The following P3H2 variants were observed in gnomAD, a reference collection of about 807,000 sequenced individuals.
P3H2 encodes leprecan-like 1.
In P3H2, 80 loss-of-function variants were observed where a neutral mutation model predicts 87.0. The observed-to-expected ratio is 0.92, with a 90% CI of 0.77 to 1.11. The LOEUF (loss-of-function observed/expected upper bound fraction) is 1.11, where lower values mean the gene tolerates loss of function less well. Ranked by LOEUF, P3H2 falls within the 50% of genes least tolerant of loss-of-function variation. The pLI is 0.00. For synonymous variants in P3H2, 367 were observed against 359.3 expected (o/e 1.02, Z -0.24); for missense variants, 1,001 against 923.9 (o/e 1.08, Z -1.08).
chr3:189,993,048 C>A (rs113439358), intron 3 of P3H2, among the ~76,000 whole-genome samples: 3,220 of 152,142 alleles, frequency 0.021, 90 homozygotes, highest in African/African-American at 0.065. Flanking sequence ...TTCTGCTGGG[C>A]GTGCTGGCTC....
chr3:189,973,213 A>G, intron 10 of P3H2, 189 bp from the exon 11 acceptor site: 1 of 590,194 alleles, frequency 1.7e-6, no homozygotes, highest in Non-Finnish European at 3.0e-6. Flanking sequence ...CCAATAACAG[A>G]TGGAAAGCTA....
chr3:189,995,312 T>G lies in P3H2; in HGVS notation c.611A>C (p.Asp204Ala). ...TACCATGTGTGGCTTGGCTTCTCTG[T>G]CTACCAACTGCAATGCTTCAACACC... ...TAGVEALQLV[D>A]REAKPHMESY... The change falls in exon 2 of 15, where the codon GAC (aspartate) becomes GCC (alanine). Residue 204 changes from aspartate (D) to alanine (A), a missense_variant. Physicochemically the swap from Asp to Ala is moderately radical, Grantham distance 126. Transcript: ENST00000319332. 1 of 1,614,150 alleles carries G rather than the reference T, an allele frequency of 6.2e-7. No homozygotes were observed. The highest frequency in any genetic ancestry group is 8.5e-7 in the Non-Finnish European group (1 of 1,180,018).
At chr3:190,099,908 A>G (rs1711556524) in intron 1 of P3H2, among the ~76,000 whole-genome samples, 1 of 152,060 alleles carries the variant, frequency 6.6e-6, no homozygotes, top group Non-Finnish European at 1.5e-5. Context: ...TGAAAACTAA[A>G]ATATTTCTTC....
chr3:190,090,506 A>G (rs1034384189), intron 1 of P3H2, among the ~76,000 whole-genome samples: 1 of 152,186 alleles, frequency 6.6e-6, no homozygotes, highest in Non-Finnish European at 1.5e-5. Context: ...GATCGAGATC[A>G]TCCTGGCTAA....
At chr3:190,012,207 GGTGTGTGTGTGTGT>G (rs3062120) in intron 1 of P3H2, among the ~76,000 whole-genome samples, 1 of 145,586 alleles carries the variant, frequency 6.9e-6, no homozygotes, top group Non-Finnish European at 1.5e-5. Context: ...TGTAGGTAAA[GGTGTGTGTGTGTGT>G]GTGTGTGTGT....
chr3:190,095,844 C>T (rs1235060880), intron 1 of P3H2, among the ~76,000 whole-genome samples: 6 of 152,000 alleles, frequency 3.9e-5, no homozygotes, highest in African/African-American at 9.7e-5. Flanking sequence ...CCTCGTGATT[C>T]GCCCACCTCG....
Position 189,984,198 on chromosome 3 carries a change from G to T in P3H2, c.1229+352C>A, listed in dbSNP as rs1403025909. On this transcript the variant is annotated intron_variant, in intron 7 of 14. Transcript: ENST00000319332. The stretch of plus-strand genomic sequence containing the variant: ...ATTATTTTAGGTAAATACAATAAGG[G>T]AATTCACCATCAAAAACCCATTTCA... Among the ~76,000 whole-genome samples, 5 of 151,960 alleles carry T rather than the reference G, an allele frequency of 3.3e-5. No homozygotes were observed. The East Asian group carries it at 9.6e-4, about 29-fold the overall frequency.
chr3:189,988,447 CATAT>C (rs766236620), intron 4 of P3H2, among the ~76,000 whole-genome samples: 1 of 151,002 alleles, frequency 6.6e-6, no homozygotes, highest in African/African-American at 2.5e-5. Context: ...CACACACACA[CATAT>C]ATATATACTC....
chr3:190,082,546 A>G (rs1176968045), intron 1 of P3H2, among the ~76,000 whole-genome samples: 3 of 152,198 alleles, frequency 2.0e-5, no homozygotes, highest in Non-Finnish European at 2.9e-5. Flanking sequence ...TCAAACATTT[A>G]TCTGTTATTT....
chr3:190,039,771 G>A (rs753398782), intron 1 of P3H2, among the ~76,000 whole-genome samples: 5 of 152,160 alleles, frequency 3.3e-5, no homozygotes, highest in African/African-American at 9.7e-5. Flanking sequence ...GAGATTATTC[G>A]GGTTGATTTT....
chr3:190,058,419 G>A (rs576983136), intron 1 of P3H2, among the ~76,000 whole-genome samples: 14 of 152,192 alleles, frequency 9.2e-5, no homozygotes, highest in African/African-American at 2.9e-4. Flanking sequence ...CGAAAACTAC[G>A]GAAGCCATAG....
At chr3:190,049,269 GTTT>G (rs5855299) in intron 1 of P3H2, among the ~76,000 whole-genome samples, 1 of 150,944 alleles carries the variant, frequency 6.6e-6, no homozygotes, top group African/African-American at 2.4e-5. Flanking sequence ...TAGACACATG[GTTT>G]TTTTTTTCAG....
chr3:189,957,438 TA>T lies in P3H2; in HGVS notation c.*473del. 1 of 321,608 alleles carries T rather than the reference TA, an allele frequency of 3.1e-6. No individual in the cohort carries two copies. The highest frequency in any genetic ancestry group is 5.2e-6 in the Non-Finnish European group (1 of 191,248). The allele number at this position is 321,608 out of a possible 1,614,324, so 19.9% of individuals were successfully genotyped here. On this transcript the variant is annotated 3_prime_UTR_variant, in exon 15 of 15. Transcript: ENST00000319332. ...CTAAGCTTTTGAATTTGCAGCAACT[TA>T]ATTGTGTGTGTGTGTGTGTGTGTGT...
rs765078655 is a variant in P3H2 at position 190,120,737 on chromosome 3, G to A, written c.-6C>T. ...GCCCAGATGCGCTCCCGCATCCTCCGCCTCAGAGAGGCGCGGGACGGTTAC... is the reference window on the plus strand; with the variant it reads ...GCCCAGATGCGCTCCCGCATCCTCCACCTCAGAGAGGCGCGGGACGGTTAC... On this transcript the variant is annotated 5_prime_UTR_variant, in exon 1 of 15. Coordinates refer to ENST00000319332, the MANE Select transcript of P3H2 (RefSeq NM_018192.4). The A allele has an allele frequency of 2.2e-5, 33 of 1,518,696 alleles. No individual in the cohort carries two copies. Among genetic ancestry groups the A allele is most frequent in the Middle Eastern group, 2.3e-4 (1 of 4,428 alleles). 94.1% of individuals were successfully genotyped at this position (1,518,696 alleles called of 1,614,324 possible).
chr3:190,100,418 G>A lies in P3H2; in HGVS notation c.480+19834C>T, dbSNP rs182326988. ...ATACTAGGATTTATTAAAATGAGGAGTGAACAACTGCTGAGAGTTTCATAG... is the reference window on the plus strand; with the variant it reads ...ATACTAGGATTTATTAAAATGAGGAATGAACAACTGCTGAGAGTTTCATAG... On this transcript the variant is annotated intron_variant, in intron 1 of 14. Coordinates refer to ENST00000319332, the MANE Select transcript of P3H2 (RefSeq NM_018192.4). 3.4e-3 allele frequency among the ~76,000 whole-genome samples: 521 copies of A among 152,228 alleles called. 1 individual carries two copies. The highest frequency in any genetic ancestry group is 0.012 in the African/African-American group (489 of 41,530).
At chr3:190,009,245 A>G (rs1724490232) in intron 1 of P3H2, among the ~76,000 whole-genome samples, 1 of 152,190 alleles carries the variant, frequency 6.6e-6, no homozygotes, top group Admixed American at 6.5e-5. Context: ...TTAAGCACAT[A>G]TTAGGTTTTA....
At chr3:190,097,592 A>C (rs751129116) in intron 1 of P3H2, among the ~76,000 whole-genome samples, 1 of 151,498 alleles carries the variant, frequency 6.6e-6, no homozygotes, top group Non-Finnish European at 1.5e-5. Context: ...TCATATCTAC[A>C]AAGTCTTACT....
intron 1 of P3H2, among the ~76,000 whole-genome samples, chr3:190,075,295 G>T (rs1267341298): frequency 6.6e-6 from 1 of 152,118 alleles, no homozygotes; most frequent in East Asian, 1.9e-4. Context: ...AGACCAGCCT[G>T]CCCAACATGG....
chr3:190,094,563 T>A (rs775855343), intron 1 of P3H2, among the ~76,000 whole-genome samples: 11 of 152,110 alleles, frequency 7.2e-5, no homozygotes, highest in Non-Finnish European at 1.5e-4. Context: ...CCATAACCAT[T>A]GGGACAATGG....
Sources: allele counts gnomAD v4.1 joint callset (sites outside exome capture counted in the v4.1 genomes callset), GRCh38; gene constraint gnomAD v4.1.1; transcripts MANE v1.5; gene names NCBI Gene and HGNC (gene_info 2026-07-23, HGNC 2026-07-21).